Variants in SPG11 observed in about 807,000 individuals in gnomAD.
The protein encoded by SPG11 is SPG11 vesicle trafficking associated, spatacsin.
SPG11 carries 222 observed loss-of-function variants against 274.0 expected under a neutral mutation model. The observed-to-expected ratio is 0.81, with a 90% confidence interval of 0.73 to 0.91. The LOEUF (loss-of-function observed/expected upper bound fraction) is 0.91, where lower values mean the gene tolerates loss of function less well. SPG11 is among the 40% of genes least tolerant of loss of function. The pLI, the probability that SPG11 is intolerant of heterozygous loss-of-function variation, is 0.00. For synonymous variants in SPG11, 1,144 were observed against 1,039.7 expected (o/e 1.10, Z -1.93); for missense variants, 3,114 against 2,872.7 (o/e 1.08, Z -1.92).
chr15:44,648,197 C>T (rs1488918519), intron 7 of SPG11, among the ~76,000 whole-genome samples: 1 of 152,084 alleles, frequency 6.6e-6, no homozygotes, highest in Non-Finnish European at 1.5e-5. Context: ...TCAGGTTATG[C>T]CTCTTCTGAA....
intron 7 of SPG11, among the ~76,000 whole-genome samples, chr15:44,640,385 A>G (rs2084405860): frequency 6.6e-6 from 1 of 152,168 alleles, no homozygotes; most frequent in South Asian, 2.1e-4. Flanking sequence ...CCCCCAAAAG[A>G]CAAGAAAGAC....
intron 13 of SPG11, 102 bp downstream of exon 13, chr15:44,622,118 C>A: frequency 7.4e-7 from 1 of 1,351,712 alleles, no homozygotes; most frequent in East Asian, 2.3e-5. Context: ...AAGGAGAATG[C>A]AGGCTCAGTT....
intron 19 of SPG11, among the ~76,000 whole-genome samples, chr15:44,607,622 G>A (rs1192118743): frequency 3.9e-5 from 6 of 152,172 alleles, no homozygotes; most frequent in Admixed American, 3.9e-4. Context: ...GAGAATATGT[G>A]TATTCAGGGA....
chr15:44,604,225 C>T (rs777487437), intron 20 of SPG11: 7 of 397,850 alleles, frequency 1.8e-5, no homozygotes, highest in Non-Finnish European at 3.4e-5. Context: ...GCTTGAAGAC[C>T]CTGGAGGTAT....
At chr15:44,566,770 G>A (rs577248752) in intron 36 of SPG11, among the ~76,000 whole-genome samples, 1 of 152,136 alleles carries the variant, frequency 6.6e-6, no homozygotes, top group East Asian at 1.9e-4. Context: ...CGCGATCTTG[G>A]CTCACTGCAA....
At chr15:44,589,838 C>T (rs2082858798) in intron 27 of SPG11, among the ~76,000 whole-genome samples, 1 of 152,244 alleles carries the variant, frequency 6.6e-6, no homozygotes, top group Admixed American at 6.5e-5. Context: ...CGCAGTCTCA[C>T]TCTGTTGCCT....
chr15:44,652,126 T>C lies in SPG11; in HGVS notation c.1007+3A>G, dbSNP rs775457835. Reference sequence around the variant, plus strand: ...AAACTACATGAAAAGGAAGTTTCTGTACCTATCAATTTGGAAGGAAAACTT... The same window carrying C: ...AAACTACATGAAAAGGAAGTTTCTGCACCTATCAATTTGGAAGGAAAACTT... On this transcript the variant is annotated splice_donor_region_variant and intron_variant, in intron 5 of 39. Coordinates refer to ENST00000261866, the MANE Select transcript of SPG11 (RefSeq NM_025137.4). 2 of 1,614,174 alleles carry C rather than the reference T, an allele frequency of 1.2e-6. No homozygotes were observed. Among genetic ancestry groups the C allele is most frequent in the East Asian group, 2.2e-5 (1 of 44,874 alleles).
At chr15:44,635,690 G>A (rs1309987784) in intron 7 of SPG11, among the ~76,000 whole-genome samples, 1 of 151,356 alleles carries the variant, frequency 6.6e-6, no homozygotes, top group African/African-American at 2.4e-5. Context: ...GCTGATGAGG[G>A]TGGATCACCT....
chr15:44,611,606 T>C (rs949516034), intron 17 of SPG11, among the ~76,000 whole-genome samples: 20 of 152,146 alleles, frequency 1.3e-4, no homozygotes, highest in African/African-American at 4.6e-4. Context: ...TTTGACCCAA[T>C]AGTTTTATAT....
At chr15:44,655,002 T>C (rs1000592392) in intron 4 of SPG11, among the ~76,000 whole-genome samples, 1 of 152,082 alleles carries the variant, frequency 6.6e-6, no homozygotes, top group Non-Finnish European at 1.5e-5. Flanking sequence ...ACTGCTGTAA[T>C]AATATCATGG....
intron 30 of SPG11, among the ~76,000 whole-genome samples, chr15:44,577,691 A>G (rs993885460): frequency 6.6e-6 from 1 of 152,128 alleles, no homozygotes; most frequent in African/African-American, 2.4e-5. Context: ...ACCTGGACAT[A>G]ATACATGTGG....
intron 7 of SPG11, among the ~76,000 whole-genome samples, chr15:44,637,347 T>A (rs1403264403): frequency 6.6e-6 from 1 of 152,214 alleles, no homozygotes; most frequent in African/African-American, 2.4e-5. Context: ...AGGATCTCAC[T>A]CTGTTGCCCA....
At position 44,598,780 on chromosome 15, in the gene SPG11, G is replaced by A. The variant is rs751765241; in HGVS notation, c.3743C>T (p.Pro1248Leu). The A allele has an allele frequency of 1.2e-6, 2 of 1,614,174 alleles. No individual in the cohort carries two copies. The highest frequency in any genetic ancestry group is 2.2e-5 in the South Asian group (2 of 91,078). The change falls in exon 22 of 40, where the codon CCT becomes CTT. Residue 1248 changes from proline (P) to leucine (L), a missense_variant. By Grantham distance (98) the Pro-to-Leu change is moderately conservative (BLOSUM62 -3). Transcript: ENST00000261866. ...ACAAACACATGCAGCTCCTATTGAA[G>A]GTATGTGGAAGGAGGAGAGCCCTAT... ...YVIGLSSFHI[P>L]SIGAACVCFL... is the part of the protein sequence containing the mutation.
chr15:44,618,962 GTTCA>G (rs1306435070), intron 15 of SPG11, among the ~76,000 whole-genome samples: 1 of 152,150 alleles, frequency 6.6e-6, no homozygotes, highest in African/African-American at 2.4e-5. Context: ...GTGGTATAGA[GTTCA>G]TTAATTTACT....
rs2083468220 is a variant in SPG11 at position 44,611,887 on chromosome 15, G to C, written c.3146-902C>G. ...GTGGAGCTATCTTGGCTCACTGCAA[G>C]CTCCACCTCCCCAGTTTATGCCATT... is the stretch of plus-strand genomic sequence containing the variant. On this transcript the variant is annotated intron_variant, in intron 17 of 39. Coordinates refer to ENST00000261866, the MANE Select transcript of SPG11 (RefSeq NM_025137.4). 1.5e-5 allele frequency among the ~76,000 whole-genome samples: 2 copies of C among 131,672 alleles called. 1 individual carries two copies. The highest frequency in any genetic ancestry group is 5.7e-5 in the African/African-American group (2 of 34,806). The allele number at this position is 131,672 out of a possible 152,430, so 86.4% of individuals were successfully genotyped here.
intron 15 of SPG11, among the ~76,000 whole-genome samples, chr15:44,618,226 A>G (rs1266100488): frequency 6.6e-6 from 1 of 151,990 alleles, no homozygotes; most frequent in East Asian, 1.9e-4. Context: ...AAGGGAGTTT[A>G]GGCCAGGCGC....
chr15:44,587,533 T>C (rs2082792790), intron 28 of SPG11, among the ~76,000 whole-genome samples: 1 of 151,614 alleles, frequency 6.6e-6, no homozygotes, highest in Non-Finnish European at 1.5e-5. Context: ...TAATAAAAGA[T>C]ACAAAAATTA....
At chr15:44,570,143 A>T (rs2082390776) in intron 34 of SPG11, among the ~76,000 whole-genome samples, 1 of 152,162 alleles carries the variant, frequency 6.6e-6, no homozygotes, top group Admixed American at 6.5e-5. Flanking sequence ...AGCCCAGAGA[A>T]TTTAGGGAGG....
chr15:44,596,408 G>A, intron 24 of SPG11, 53 bp from the exon 25 acceptor site: 1 of 1,593,016 alleles, frequency 6.3e-7, no homozygotes, highest in Admixed American at 1.7e-5. Context: ...GTTTCAGCTG[G>A]AGCTGAAAAT....
Sources: gnomAD v4.1 joint callset for allele counts (sites outside exome capture counted in the v4.1 genomes callset) on GRCh38, gnomAD v4.1.1 for gene constraint, MANE v1.5 for transcripts, NCBI Gene and HGNC (gene_info 2026-07-23, HGNC 2026-07-21) for gene names.